RBFOX2: variants seen among roughly 807,000 people sequenced by gnomAD.
The protein encoded by RBFOX2 is RNA binding fox-1 homolog 2.
In RBFOX2, 10 loss-of-function variants were observed where a neutral mutation model predicts 49.1. That is an observed-to-expected ratio of 0.20 (90% confidence interval 0.13 to 0.35). The LOEUF (loss-of-function observed/expected upper bound fraction) is 0.35, where lower values mean the gene tolerates loss of function less well. Ranked by LOEUF, RBFOX2 falls within the 10% of genes least tolerant of loss-of-function variation. RBFOX2 has a pLI of 1.00. For missense variants in RBFOX2, 323 were observed against 486.9 expected, an observed-to-expected ratio of 0.66 and a Z score of 3.17; for synonymous variants, 183 against 187.4, an observed-to-expected ratio of 0.98 and a Z score of 0.19.
chr22:35,961,483 C>G, intron 1 of RBFOX2: 1 of 1,290,804 alleles, frequency 7.7e-7, no homozygotes, highest in Non-Finnish European at 1.0e-6. Context: ...GAACTGGACT[C>G]CCCACACCTT....
chr22:35,897,918 T>C, intron 1 of RBFOX2: 1 of 730,954 alleles, frequency 1.4e-6, no homozygotes, highest in South Asian at 1.4e-5. Flanking sequence ...GAATGAATTT[T>C]CCAACTTCAG....
At chr22:36,021,892 C>T (rs953807021) in intron 1 of RBFOX2, among the ~76,000 whole-genome samples, 4 of 152,100 alleles carry the variant, frequency 2.6e-5, no homozygotes, top group African/African-American at 4.8e-5. Flanking sequence ...AAGCTGCCTG[C>T]TTGTATTGGG....
chr22:35,766,446 TTTG>T (rs1345346444), intron 5 of RBFOX2, among the ~76,000 whole-genome samples: 2 of 152,198 alleles, frequency 1.3e-5, no homozygotes, highest in African/African-American at 4.8e-5. Flanking sequence ...GTAATAAATT[TTTG>T]TTATGAAAAG....
intron 1 of RBFOX2, among the ~76,000 whole-genome samples, chr22:35,873,421 T>C (rs994951860): frequency 6.6e-6 from 1 of 152,032 alleles, no homozygotes; most frequent in African/African-American, 2.4e-5. Context: ...CACCCGACCC[T>C]GAATGGGTTG....
At chr22:35,757,161 A>G (rs1254113048) in intron 9 of RBFOX2, among the ~76,000 whole-genome samples, 4 of 152,084 alleles carry the variant, frequency 2.6e-5, no homozygotes, top group Non-Finnish European at 5.9e-5. Flanking sequence ...CTGGTTAAGA[A>G]TAGAAGGGTT....
chr22:36,000,064 G>C (rs541826866), intron 1 of RBFOX2: 6 of 147,250 alleles, frequency 4.1e-5, no homozygotes, highest in African/African-American at 1.5e-4. Context: ...ACAGTGGCAC[G>C]ATCTCAGCTC....
chr22:35,951,475 C>A (rs1279074399), intron 1 of RBFOX2, among the ~76,000 whole-genome samples: 2 of 148,634 alleles, frequency 1.3e-5, no homozygotes, highest in Non-Finnish European at 3.0e-5. Context: ...GAACTCCCAA[C>A]CACAGGTGAT....
At chr22:35,805,639 A>C (rs1348752698) in intron 2 of RBFOX2, among the ~76,000 whole-genome samples, 1 of 152,214 alleles carries the variant, frequency 6.6e-6, no homozygotes, top group Non-Finnish European at 1.5e-5. Flanking sequence ...TACCCCAAGA[A>C]GTTCAAAACT....
At chr22:35,817,123 C>A (rs918669289) in intron 1 of RBFOX2, among the ~76,000 whole-genome samples, 1 of 151,202 alleles carries the variant, frequency 6.6e-6, no homozygotes, top group African/African-American at 2.4e-5. Flanking sequence ...TTACAGCATG[C>A]CTCCAGGACA....
chr22:35,933,405 C>G (rs1217378277), intron 1 of RBFOX2, among the ~76,000 whole-genome samples: 1 of 152,144 alleles, frequency 6.6e-6, no homozygotes, highest in African/African-American at 2.4e-5. Context: ...CAAAATAGTA[C>G]ACTACAGCTT....
intron 1 of RBFOX2, chr22:35,836,447 G>C: frequency 6.6e-6 from 1 of 152,320 alleles, no homozygotes. Context: ...CAGCTACAAA[G>C]AGGGGAGATA....
chr22:35,809,099 A>T (rs1476641308), intron 2 of RBFOX2, among the ~76,000 whole-genome samples: 1 of 151,832 alleles, frequency 6.6e-6, no homozygotes, highest in Non-Finnish European at 1.5e-5. Context: ...GAGGATAGAT[A>T]AGTTAGGCAA....
At chr22:35,775,008 G>A (rs758284472) in intron 4 of RBFOX2, among the ~76,000 whole-genome samples, 4 of 152,126 alleles carry the variant, frequency 2.6e-5, no homozygotes, top group African/African-American at 4.8e-5. Context: ...AAAAGTTAGA[G>A]GAACTCTTAG....
intron 1 of RBFOX2, among the ~76,000 whole-genome samples, chr22:35,928,819 T>C (rs559643524): frequency 6.6e-6 from 1 of 152,208 alleles, no homozygotes; most frequent in South Asian, 2.1e-4. Flanking sequence ...CAAACATAAG[T>C]GGCTGATAAG....
At chr22:35,766,343 C>CACAA (rs1309538655) in intron 5 of RBFOX2, among the ~76,000 whole-genome samples, 2 of 152,132 alleles carry the variant, frequency 1.3e-5, no homozygotes, top group Non-Finnish European at 2.9e-5. Flanking sequence ...ACTGTGTTGT[C>CACAA]AGGTCATAAA....
chr22:35,866,174 T>C (rs2043657883), intron 1 of RBFOX2, among the ~76,000 whole-genome samples: 1 of 152,168 alleles, frequency 6.6e-6, no homozygotes, highest in Non-Finnish European at 1.5e-5. Context: ...AACAAAAGAC[T>C]TTTGGGGGTA....
At chr22:35,898,254 T>G in intron 1 of RBFOX2, 1 of 752,282 alleles carries the variant, frequency 1.3e-6, no homozygotes, top group Non-Finnish European at 2.5e-6. Flanking sequence ...TCCCACTGAC[T>G]TGAGGAACAT....
intron 1 of RBFOX2, among the ~76,000 whole-genome samples, chr22:35,921,228 T>C (rs2050987468): frequency 6.6e-6 from 1 of 152,222 alleles, no homozygotes; most frequent in Admixed American, 6.5e-5. Context: ...AGGAAACTCC[T>C]AGCCAAGTAC....
rs755548324 is a variant in RBFOX2, at chr22:35,982,795, T to TA, written c.187-43899dup. ...ACTCTAACAAGCTAAGGGTATCGTTTAAAAAAAAAAAAAACCACTAATCCT... is the reference window on the plus strand; with the variant it reads ...ACTCTAACAAGCTAAGGGTATCGTTTAAAAAAAAAAAAAAACCACTAATCCT... On this transcript the variant is annotated intron_variant, in intron 1 of 13. Transcript: ENST00000438146. 9.7e-3 allele frequency among the ~76,000 whole-genome samples: 1,364 copies of TA among 140,914 alleles called. 6 individuals are homozygous for TA. Among genetic ancestry groups the TA allele is most frequent in the Middle Eastern group, 0.018 (5 of 280 alleles). The allele number at this position is 140,914 out of a possible 152,430, so 92.4% of individuals were successfully genotyped here.
Sources: gnomAD v4.1 joint callset for allele counts (sites outside exome capture counted in the v4.1 genomes callset) on GRCh38, gnomAD v4.1.1 for gene constraint, MANE v1.5 for transcripts, NCBI Gene and HGNC (gene_info 2026-07-23, HGNC 2026-07-21) for gene names.